The following CAMTA1 variants were observed in gnomAD, a reference collection of about 807,000 sequenced individuals.
CAMTA1 encodes calmodulin binding transcription activator 1, also known as calmodulin-binding transcription activator 1.
Under a neutral mutation model 170.9 loss-of-function variants are expected in CAMTA1, and 27 were observed. That is an observed-to-expected ratio of 0.16 (90% CI 0.12 to 0.22). The LOEUF is 0.22. Among genes scored for constraint, CAMTA1 ranks in the 10% least tolerant of loss-of-function variants. The pLI is 1.00. For synonymous variants in CAMTA1, 833 were observed against 891.5 expected (o/e 0.93, Z 1.17); for missense variants, 1,619 against 2,217.2 (o/e 0.73, Z 5.42).
Position 7,113,002 on chromosome 1 carries a change from G to T in CAMTA1, c.302+21631G>T, listed in dbSNP as rs1428379933. Among the ~76,000 whole-genome samples, 1 of 152,230 alleles carries T rather than the reference G, an allele frequency of 6.6e-6. No homozygotes were observed. Among genetic ancestry groups the T allele is most frequent in the Admixed American group, 6.5e-5 (1 of 15,278 alleles). On this transcript the variant is annotated intron_variant, in intron 4 of 22. Transcript: ENST00000303635. The surrounding 1 kb of genome is among the most constrained non-coding windows in gnomAD (Gnocchi z 4.5). ...CCATTGGTGGAAACCTTTCCCGGCA[G>T]CCTCACGTCTGCTTTTCAGGTACTC...
At chr1:7,102,061 C>G (rs937939815) in intron 4 of CAMTA1, among the ~76,000 whole-genome samples, 1 of 107,852 alleles carries the variant, frequency 9.3e-6, no homozygotes, top group African/African-American at 3.7e-5. Context: ...CACACACACA[C>G]ACACACACAG....
intron 6 of CAMTA1, among the ~76,000 whole-genome samples, chr1:7,505,037 T>G (rs2094079690): frequency 6.6e-6 from 1 of 151,718 alleles, no homozygotes; most frequent in Non-Finnish European, 1.5e-5. Flanking sequence ...AGCACACAGA[T>G]GCCTCATGGG....
intron 3 of CAMTA1, among the ~76,000 whole-genome samples, chr1:6,914,381 C>T (rs977601180): frequency 3.3e-5 from 5 of 152,174 alleles, no homozygotes; most frequent in East Asian, 3.8e-4. Flanking sequence ...GGATTACAGG[C>T]GTGAACCACC....
At chr1:7,602,361 A>G (rs1189135394) in intron 6 of CAMTA1, among the ~76,000 whole-genome samples, 3 of 151,988 alleles carry the variant, frequency 2.0e-5, no homozygotes, top group South Asian at 2.1e-4. Context: ...CAGAGATTCA[A>G]CTTCTTCCTG....
At position 7,092,459 on chromosome 1, in the gene CAMTA1, T is replaced by C. The variant is rs2148147119; in HGVS notation, c.302+1088T>C. 6.6e-6 allele frequency among the ~76,000 whole-genome samples: 1 copy of C among 152,280 alleles called. No individual in the cohort carries two copies. Among genetic ancestry groups the C allele is most frequent in the South Asian group, 2.1e-4 (1 of 4,826 alleles). ...TAGCATCTTTTAGGTGAGGGCACAA[T>C]CCTCCCCTTTGAAGGAGGCTAGAGG... is the stretch of plus-strand genomic sequence containing the variant. On this transcript the variant is annotated intron_variant, in intron 4 of 22. Coordinates refer to ENST00000303635, the MANE Select transcript of CAMTA1 (RefSeq NM_015215.4). This position sits in a 1 kb window ranked among gnomAD's most constrained non-coding sequence, Gnocchi z 5.0.
At chr1:7,480,433 G>C (rs978350915) in intron 6 of CAMTA1, among the ~76,000 whole-genome samples, 2 of 151,994 alleles carry the variant, frequency 1.3e-5, no homozygotes, top group African/African-American at 2.4e-5. Flanking sequence ...GAGAGACAGA[G>C]AGAGATATCC....
rs564750850 is a variant in CAMTA1, at chr1:7,492,296, A to G, written c.510+24395A>G. Among the ~76,000 whole-genome samples the G allele has an allele frequency of 3.3e-5, 5 of 152,348 alleles. No homozygotes were observed. The South Asian group carries it at 1.0e-3, about 32-fold the overall frequency. On this transcript the variant is annotated intron_variant, in intron 6 of 22. Coordinates refer to ENST00000303635, the MANE Select transcript of CAMTA1 (RefSeq NM_015215.4). ...TAAAAGGAAGGCACTACGGGGGCCC[A>G]GGACCTGCTCTGCCCTGCTTAGGGC...
At chr1:7,615,352 G>A (rs2095552195) in intron 6 of CAMTA1, among the ~76,000 whole-genome samples, 1 of 152,238 alleles carries the variant, frequency 6.6e-6, no homozygotes, top group Admixed American at 6.5e-5. Flanking sequence ...TGTCCTTGGA[G>A]ACAAACAGGA....
intron 5 of CAMTA1, among the ~76,000 whole-genome samples, chr1:7,413,836 G>A (rs1271421939): frequency 6.6e-6 from 1 of 152,158 alleles, no homozygotes; most frequent in Admixed American, 6.5e-5. Context: ...TCTTGTGCCA[G>A]TTTTCAAAGG....
intron 3 of CAMTA1, among the ~76,000 whole-genome samples, chr1:6,961,379 C>T (rs1690377059): frequency 6.6e-6 from 1 of 152,174 alleles, no homozygotes; most frequent in South Asian, 2.1e-4. Flanking sequence ...CACGTCACGT[C>T]CCTCCCAGTT....
chr1:7,578,712 G>C (rs971976171), intron 6 of CAMTA1, among the ~76,000 whole-genome samples: 1 of 152,148 alleles, frequency 6.6e-6, no homozygotes, highest in Admixed American at 6.5e-5. Flanking sequence ...GTCCAAGATG[G>C]ACAGATGGCC....
In CAMTA1 at chr1:7,216,285, C is replaced by T. The variant is rs1444715968; in HGVS notation, c.303-33206C>T. On this transcript the variant is annotated intron_variant, in intron 4 of 22. Coordinates refer to ENST00000303635, the MANE Select transcript of CAMTA1 (RefSeq NM_015215.4). The surrounding 1 kb of genome is among the most constrained non-coding windows in gnomAD (Gnocchi z 4.0). The stretch of plus-strand genomic sequence containing the variant: ...CCTCCCCCAGGCTCTTCCTCCAACA[C>T]TGGGGATTACAGTTTGACATGAGAT... 6.6e-6 allele frequency among the ~76,000 whole-genome samples: 1 copy of T among 152,194 alleles called. No homozygotes were observed. Among genetic ancestry groups the T allele is most frequent in the Non-Finnish European group, 1.5e-5 (1 of 68,034 alleles).
At chr1:7,751,768 A>G (rs1484289729) in intron 20 of CAMTA1, among the ~76,000 whole-genome samples, 1 of 152,126 alleles carries the variant, frequency 6.6e-6, no homozygotes, top group Admixed American at 6.5e-5. Flanking sequence ...GTAATTTTAC[A>G]TAAACATGCT....
intron 4 of CAMTA1, among the ~76,000 whole-genome samples, chr1:7,206,002 G>A (rs141992520): frequency 5.9e-4 from 90 of 152,198 alleles, no homozygotes; most frequent in East Asian, 1.2e-3. Flanking sequence ...CACCTTTATC[G>A]TATACTGAGT....
At chr1:7,454,365 A>G (rs2149476426) in intron 5 of CAMTA1, among the ~76,000 whole-genome samples, 1 of 152,358 alleles carries the variant, frequency 6.6e-6, no homozygotes, top group East Asian at 1.9e-4. Context: ...GTTTGTGTTT[A>G]TCGAAGACCT....
intron 11 of CAMTA1, among the ~76,000 whole-genome samples, chr1:7,689,213 G>A (rs2096284129): frequency 7.1e-6 from 1 of 140,754 alleles, no homozygotes; most frequent in Non-Finnish European, 1.5e-5. Flanking sequence ...GTTGCAATGA[G>A]CCAAGACCAC....
chr1:7,345,068 G>T (rs2084129691), intron 5 of CAMTA1, among the ~76,000 whole-genome samples: 1 of 152,084 alleles, frequency 6.6e-6, no homozygotes, highest in African/African-American at 2.4e-5. Flanking sequence ...CAAGTCTTTT[G>T]TCCATTTTTC....
chr1:6,978,279 C>G (rs530274127), intron 3 of CAMTA1, among the ~76,000 whole-genome samples: 2 of 152,242 alleles, frequency 1.3e-5, no homozygotes, highest in East Asian at 3.9e-4. Context: ...ATTCCTCATT[C>G]TCCGTGATGT....
intron 16 of CAMTA1, among the ~76,000 whole-genome samples, chr1:7,742,716 A>G (rs1280645001): frequency 1.3e-5 from 2 of 152,214 alleles, no homozygotes; most frequent in African/African-American, 2.4e-5. Flanking sequence ...GGCTTCAGAA[A>G]TTCCACCTTA....
Sources: gnomAD v4.1 joint callset for allele counts (sites outside exome capture counted in the v4.1 genomes callset) on GRCh38, gnomAD v4.1.1 for gene constraint, Gnocchi (gnomAD v3.1) non-coding constraint, MANE v1.5 for transcripts, NCBI Gene and HGNC (gene_info 2026-07-23, HGNC 2026-07-21) for gene names.